Variants in TENM3 observed in about 807,000 individuals in gnomAD.
The protein encoded by TENM3 is teneurin transmembrane protein 3, also known as teneurin-3.
Under a neutral mutation model 255.1 loss-of-function variants are expected in TENM3, and 63 were observed. That is an observed-to-expected ratio of 0.25 (90% CI 0.20 to 0.30). The LOEUF (loss-of-function observed/expected upper bound fraction) is 0.30, where lower values mean the gene tolerates loss of function less well. TENM3 is among the 10% of genes least tolerant of loss of function. The pLI, the probability that TENM3 is intolerant of heterozygous loss-of-function variation, is 1.00. For missense variants in TENM3, 2,929 were observed against 3,461.1 expected, an observed-to-expected ratio of 0.85 and a Z score of 3.86; for synonymous variants, 1,306 against 1,322.3, an observed-to-expected ratio of 0.99 and a Z score of 0.27.
chr4:182,642,694 A>C (rs1357835184), intron 5 of TENM3, among the ~76,000 whole-genome samples: 1 of 152,214 alleles, frequency 6.6e-6, no homozygotes, highest in Non-Finnish European at 1.5e-5. Context: ...TCGTTCATAA[A>C]GCCTATACTT....
chr4:181,728,641 C>T, the TENM3 span, among the ~76,000 whole-genome samples: 37 of 152,310 alleles, frequency 2.4e-4, no homozygotes, highest in Admixed American at 2.4e-3. Flanking sequence ...AGGTCACTTT[C>T]ATCACCATCT....
At chr4:182,473,522 A>C (rs1003512498) in intron 3 of TENM3, among the ~76,000 whole-genome samples, 1 of 152,066 alleles carries the variant, frequency 6.6e-6, no homozygotes, top group African/African-American at 2.4e-5. Context: ...AAATACAAAA[A>C]ATTAGCCAGG....
chr4:182,544,323 A>ATTTTTTTTTT (rs35639483), intron 3 of TENM3, among the ~76,000 whole-genome samples: 1 of 69,286 alleles, frequency 1.4e-5, no homozygotes, highest in Non-Finnish European at 2.6e-5. Flanking sequence ...AGCATTGTGG[A>ATTTTTTTTTT]TTTTTTTTTT....
the TENM3 span, among the ~76,000 whole-genome samples, chr4:181,610,219 G>A: frequency 6.6e-6 from 1 of 152,158 alleles, no homozygotes; most frequent in Admixed American, 6.5e-5. Context: ...CACCCTGTAT[G>A]TTTGCATGAA....
chr4:181,837,922 G>A, the TENM3 span, among the ~76,000 whole-genome samples: 3 of 152,086 alleles, frequency 2.0e-5, no homozygotes, highest in Non-Finnish European at 4.4e-5. Context: ...GGCAGATCAC[G>A]AGGTCAAGAG....
the TENM3 span, among the ~76,000 whole-genome samples, chr4:181,840,590 C>T: frequency 1.8e-4 from 27 of 152,186 alleles, no homozygotes; most frequent in Admixed American, 2.6e-4. Context: ...TACTAGGGTA[C>T]GTTTCCAACC....
At chr4:181,972,436 CAAAAAAAAA>C in the TENM3 span, among the ~76,000 whole-genome samples, 4 of 115,164 alleles carry the variant, frequency 3.5e-5, no homozygotes, top group South Asian at 5.9e-4. Flanking sequence ...CCTCCTTGTC[CAAAAAAAAA>C]AAAAAAAAAA....
intron 3 of TENM3, among the ~76,000 whole-genome samples, chr4:182,588,807 A>C (rs1010883504): frequency 1.1e-4 from 16 of 152,228 alleles, no homozygotes; most frequent in Non-Finnish European, 2.2e-4. Context: ...ATTATGGTTG[A>C]CAAGATAAAC....
the TENM3 span, among the ~76,000 whole-genome samples, chr4:181,631,142 T>C: frequency 6.6e-6 from 1 of 152,100 alleles, no homozygotes; most frequent in East Asian, 1.9e-4. Context: ...TTTTTGTCGT[T>C]GTAGGACCTC....
intron 1 of TENM3, among the ~76,000 whole-genome samples, chr4:182,293,431 C>T (rs11727792): frequency 0.12 from 17,565 of 152,178 alleles, 1,174 homozygotes; most frequent in Middle Eastern, 0.21. Context: ...GTGGAATTCA[C>T]TTACAGTAAA....
chr4:182,220,378 CAAAAAAAA>C (rs60851113), intron 1 of TENM3, among the ~76,000 whole-genome samples: 17 of 77,488 alleles, frequency 2.2e-4, no homozygotes, highest in Admixed American at 3.7e-4. Flanking sequence ...CTCTGTCTCA[CAAAAAAAA>C]AAAAAAAAAA....
chr4:182,007,779 G>A, the TENM3 span, among the ~76,000 whole-genome samples: 1 of 152,122 alleles, frequency 6.6e-6, no homozygotes, highest in South Asian at 2.1e-4. Context: ...ACGCTATTTG[G>A]TTATTTTGCA....
chr4:182,066,293 G>A, the TENM3 span, among the ~76,000 whole-genome samples: 2 of 151,926 alleles, frequency 1.3e-5, no homozygotes, highest in African/African-American at 2.4e-5. Flanking sequence ...TACACCCTCT[G>A]GGAGAAATGT....
intron 1 of TENM3, among the ~76,000 whole-genome samples, chr4:182,162,129 C>T (rs1237293507): frequency 1.3e-5 from 2 of 151,738 alleles, no homozygotes; most frequent in African/African-American, 4.8e-5. Flanking sequence ...AGCAGTCCTC[C>T]TGCCTCAGTC....
At chr4:181,548,357 C>A in the TENM3 span, among the ~76,000 whole-genome samples, 13 of 152,182 alleles carry the variant, frequency 8.5e-5, no homozygotes, top group African/African-American at 2.9e-4. Context: ...AAGACACATG[C>A]ACACGTATGT....
the TENM3 span, among the ~76,000 whole-genome samples, chr4:181,995,360 A>G: frequency 6.6e-6 from 1 of 152,190 alleles, no homozygotes. Flanking sequence ...CCATTTGTAC[A>G]GTGAACATAC....
chr4:182,789,310 T>C lies in TENM3; in HGVS notation c.5522T>C (p.Val1841Ala), dbSNP rs1481115542. The C allele has an allele frequency of 1.2e-6, 2 of 1,613,834 alleles. No individual in the cohort carries two copies. The highest frequency in any genetic ancestry group is 3.3e-5 in the Admixed American group (2 of 59,992). The change falls in exon 25 of 28, where the codon GTA (valine) becomes GCA (alanine). Residue 1841 changes from valine to alanine, a missense_variant. By Grantham distance (64) the Val-to-Ala change is moderately conservative. Coordinates refer to ENST00000511685, the MANE Select transcript of TENM3 (RefSeq NM_001080477.4). The surrounding 1 kb of genome is among the most constrained non-coding windows in gnomAD (Gnocchi z 4.4). ...CAGCGAGGCACCACTAGCGAGAAAG[T>C]AGATTATGACGGACAGGGGAGGATC... is the stretch of plus-strand genomic sequence containing the variant. ...SIQRGTTSEKVDYDGQGRIVS... is the reference protein window; with the variant it reads ...SIQRGTTSEKADYDGQGRIVS...
the TENM3 span, among the ~76,000 whole-genome samples, chr4:181,809,430 C>T: frequency 2.6e-4 from 40 of 152,188 alleles, no homozygotes; most frequent in African/African-American, 7.2e-4. Flanking sequence ...CAATTATCCA[C>T]GGTTCGGGTG....
intron 3 of TENM3, among the ~76,000 whole-genome samples, chr4:182,596,938 G>C (rs1747301380): frequency 6.6e-6 from 1 of 152,180 alleles, no homozygotes; most frequent in Non-Finnish European, 1.5e-5. Context: ...TTTGTCTAAA[G>C]TGAAAGGCTG....
Sources: allele counts gnomAD v4.1 joint callset (sites outside exome capture counted in the v4.1 genomes callset), GRCh38; gene constraint gnomAD v4.1.1; non-coding constraint Gnocchi (gnomAD v3.1); transcripts MANE v1.5; gene names NCBI Gene and HGNC (gene_info 2026-07-23, HGNC 2026-07-21).